Variants in MKI67 observed in about 807,000 individuals in gnomAD.
MKI67 encodes the protein proliferation marker protein Ki-67.
MKI67 carries 152 observed loss-of-function variants against 233.5 expected under a neutral mutation model. That is an observed-to-expected ratio of 0.65 (90% CI 0.57 to 0.74). MKI67 has a LOEUF of 0.74. Among genes scored for constraint, MKI67 ranks in the 30% least tolerant of loss-of-function variants. MKI67 has a pLI of 0.00. For missense variants in MKI67, 3,940 were observed against 3,885.2 expected, an observed-to-expected ratio of 1.01 and a Z score of -0.37; for synonymous variants, 1,465 against 1,418.5, an observed-to-expected ratio of 1.03 and a Z score of -0.74.
chr10:128,119,395 G>C lies in MKI67; in HGVS notation c.288-76C>G, dbSNP rs536133115. On this transcript the variant is annotated intron_variant, in intron 4 of 14. Transcript: ENST00000368654. ...GCGGAAGTCTCCATATCCACTTAAT[G>C]TCCAAGGATCAACGAACAAACTTTG... 112 of 978,546 alleles carry C rather than the reference G, an allele frequency of 1.1e-4. 1 individual carries two copies. Among genetic ancestry groups the C allele is most frequent in the South Asian group, 6.2e-4 (45 of 72,126 alleles). 60.6% of individuals were successfully genotyped at this position (978,546 alleles called of 1,614,324 possible).
At position 128,106,706 on chromosome 10, in the gene MKI67, C is replaced by G. The variant is rs759364357; in HGVS notation, c.5134G>C (p.Gly1712Arg). The G allele has an allele frequency of 8.7e-6, 14 of 1,614,028 alleles. No individual in the cohort carries two copies. Among genetic ancestry groups the G allele is most frequent in the Non-Finnish European group, 1.2e-5 (14 of 1,180,034 alleles). The change falls in exon 13 of 15, where the codon GGC becomes CGC. Residue 1712 changes from glycine (G) to arginine (R), a missense_variant. By Grantham distance (125) the Gly-to-Arg change is moderately radical. Transcript: ENST00000368654. ...GKSEVPEDLA[G>R]FIELFQTPSH... ...GGTGTCTGGAAGAGCTCGATGAAGC[C>G]GGCCAGGTCTTCAGGGACTTCAGAC...
intron 14 of MKI67, 93 bp downstream of exon 14, chr10:128,101,165 G>A: frequency 1.7e-6 from 2 of 1,196,518 alleles, no homozygotes; most frequent in Non-Finnish European, 1.2e-6. Flanking sequence ...TGCTGTTGAA[G>A]ATAATGCTTT....
rs147401496 is a variant in MKI67 at position 128,109,100 on chromosome 10, G to C, written c.2740C>G (p.Leu914Val). 1.2e-6 allele frequency: 2 copies of C among 1,613,912 alleles called. No homozygotes were observed. Among genetic ancestry groups the C allele is most frequent in the South Asian group, 1.1e-5 (1 of 91,078 alleles). Reference sequence around the variant, plus strand: ...ATCTCTCCTTCTCTCCTTTGTTGTAGTAGTGTTGCCTTCTGACCTCTTTTT... The same window carrying C: ...ATCTCTCCTTCTCTCCTTTGTTGTACTAGTGTTGCCTTCTGACCTCTTTTT... ...ILKRGQKATL[L>V]QQRREGEMKE... Residue 914 changes from leucine to valine, a missense_variant, in exon 13 of 15, where the codon CTA becomes GTA. By Grantham distance (32) the Leu-to-Val change is conservative. Coordinates refer to ENST00000368654, the MANE Select transcript of MKI67 (RefSeq NM_002417.5).
intron 7 of MKI67, among the ~76,000 whole-genome samples, chr10:128,114,689 C>A (rs1361639171): frequency 6.6e-6 from 1 of 152,194 alleles, no homozygotes; most frequent in East Asian, 1.9e-4. Flanking sequence ...CCTTCAATAA[C>A]CCCTGCTTCA....
Position 128,113,513 on chromosome 10 carries a change from T to G in MKI67, c.1570A>C (p.Asn524His). 6.2e-7 allele frequency: 1 copy of G among 1,614,150 alleles called. No individual in the cohort carries two copies. Among genetic ancestry groups the G allele is most frequent in the Non-Finnish European group, 8.5e-7 (1 of 1,180,018 alleles). The change falls in exon 8 of 15, where the codon AAT becomes CAT. Residue 524 changes from asparagine (N) to histidine (H), a missense_variant. By Grantham distance (68) the Asn-to-His change is moderately conservative. Coordinates refer to ENST00000368654, the MANE Select transcript of MKI67 (RefSeq NM_002417.5). ...GCTTCTCCCCTTTTGAGAGGCGTATTAGGAGGCAAGTTTTCATCAAATAGT... is the reference window on the plus strand; with the variant it reads ...GCTTCTCCCCTTTTGAGAGGCGTATGAGGAGGCAAGTTTTCATCAAATAGT... ...PELFDENLPP[N>H]TPLKRGEAPT...
In MKI67 at chr10:128,109,372, T is replaced by C. The variant is rs1344631036; in HGVS notation, c.2468A>G (p.Lys823Arg). The C allele has an allele frequency of 1.2e-6, 2 of 1,614,054 alleles. No homozygotes were observed. Among genetic ancestry groups the C allele is most frequent in the Non-Finnish European group, 1.7e-6 (2 of 1,180,022 alleles). The change falls in exon 13 of 15, where the codon AAA (lysine) becomes AGA (arginine). Residue 823 changes from lysine to arginine, a missense_variant. By Grantham distance (26) the Lys-to-Arg change is conservative. Coordinates refer to ENST00000368654, the MANE Select transcript of MKI67 (RefSeq NM_002417.5). Reference protein sequence around the residue: ...AQNAAKQPSDKCSASPPLRRQ... With the variant: ...AQNAAKQPSDRCSASPPLRRQ... ...TCTTAAGGGAGGGCTTGCAGAGCATTTATCAGATGGCTGTTTTGCTGCATT... is the reference window on the plus strand; with the variant it reads ...TCTTAAGGGAGGGCTTGCAGAGCATCTATCAGATGGCTGTTTTGCTGCATT...
In MKI67 at chr10:128,117,304, C is replaced by T. The variant is rs184485262; in HGVS notation, c.355-768G>A. Among the ~76,000 whole-genome samples the T allele has an allele frequency of 3.0e-3, 457 of 152,320 alleles. 1 individual carries two copies. Among genetic ancestry groups the T allele is most frequent in the Non-Finnish European group, 4.7e-3 (318 of 68,020 alleles). On this transcript the variant is annotated intron_variant, in intron 5 of 14. Coordinates refer to ENST00000368654, the MANE Select transcript of MKI67 (RefSeq NM_002417.5). The stretch of plus-strand genomic sequence containing the variant: ...GAACTGAGGCTCCACTTGGCATGTG[C>T]GCCCTCTTGGCTGGTGGATACTTAG...
rs2071498 is a variant in MKI67, at chr10:128,119,296, T to C, written c.311A>G (p.Asn104Ser). The C allele has an allele frequency of 0.64, 1,025,588 of 1,600,926 alleles. 330,072 individuals carry two copies. Among genetic ancestry groups the C allele is most frequent in the Admixed American group, 0.72 (42,923 of 59,740 alleles). ...TGGAAATTCAGTTGACTTCCTTCCA[T>C]TCTGAAGACTTTCATTTTCATACCT... ...SFRYENESLQ[N>S]GRKSTEFPRK... Residue 104 changes from asparagine (N) to serine (S), a missense_variant, in exon 5 of 15, where the codon AAT (asparagine) becomes AGT (serine). By Grantham distance (46) the Asn-to-Ser change is conservative (BLOSUM62 1). Coordinates refer to ENST00000368654, the MANE Select transcript of MKI67 (RefSeq NM_002417.5).
Position 128,108,896 on chromosome 10 carries a change from C to T in MKI67, c.2944G>A (p.Gly982Ser), listed in dbSNP as rs1409817167. 1 of 1,614,192 alleles carries T rather than the reference C, an allele frequency of 6.2e-7. No individual in the cohort carries two copies. The highest frequency in any genetic ancestry group is 2.2e-5 in the East Asian group (1 of 44,870). ...TCTTGGGTTTGGAGGAGATTCTGGC[C>T]ACGTGCCGTGTCTTTCATGAGTTCT... Reference protein sequence around the residue: ...DTELMKDTARGQNLLQTQDHA... With the variant: ...DTELMKDTARSQNLLQTQDHA... The change falls in exon 13 of 15, where the codon GGC becomes AGC. Residue 982 changes from glycine to serine, a missense_variant. Coordinates refer to ENST00000368654, the MANE Select transcript of MKI67 (RefSeq NM_002417.5).
At chr10:128,118,007 G>C (rs1337745674) in intron 5 of MKI67, among the ~76,000 whole-genome samples, 2 of 152,202 alleles carry the variant, frequency 1.3e-5, no homozygotes, top group Non-Finnish European at 2.9e-5. Flanking sequence ...GGTGGCTACA[G>C]TGTGGGATGC....
intron 12 of MKI67, 68 bp from the exon 13 acceptor site, chr10:128,109,491 C>T (rs1852621823): frequency 1.3e-6 from 2 of 1,499,366 alleles, no homozygotes; most frequent in Non-Finnish European, 1.8e-6. Context: ...ATTACAGCCT[C>T]ATAAAATATG....
At position 128,096,733 on chromosome 10, in the gene MKI67, T is replaced by C. The variant is rs1852220167; in HGVS notation, c.*2457A>G. The C allele has an allele frequency of 6.6e-6, 1 of 152,210 alleles. No individual in the cohort carries two copies. Among genetic ancestry groups the C allele is most frequent in the Non-Finnish European group, 1.5e-5 (1 of 68,062 alleles). 9.4% of individuals were successfully genotyped at this position (152,210 alleles called of 1,614,324 possible). On this transcript the variant is annotated 3_prime_UTR_variant, in exon 15 of 15. Coordinates refer to ENST00000368654, the MANE Select transcript of MKI67 (RefSeq NM_002417.5). ...TCACTGGGATAGAGTAACCAGGAAA[T>C]GCAGTCGGCCCTCATGAATGAACAA...
chr10:128,123,211 T>TTA, intron 2 of MKI67, 42 bp from the exon 3 acceptor site: 1 of 1,348,152 alleles, frequency 7.4e-7, no homozygotes, highest in Non-Finnish European at 1.1e-6. Flanking sequence ...GCTGCAACTT[T>TTA]TTAAAAGATT....
chr10:128,105,699 C>T lies in MKI67; in HGVS notation c.6141G>A (p.Lys2047=). The change falls in exon 13 of 15, where the codon AAG becomes AAA. Residue 2047 remains lysine (K), a synonymous_variant. Transcript: ENST00000368654. The part of the protein sequence containing the change: ...KSIKAFKESA[K]QMLDPANYGT... ...CATAGTTTGCTGGGTCCAGCATCTG[C>T]TTTGCAGATTCCTTAAACGCTTTGA... 2 of 1,614,092 alleles carry T rather than the reference C, an allele frequency of 1.2e-6. No individual in the cohort carries two copies. The highest frequency in any genetic ancestry group is 1.7e-6 in the Non-Finnish European group (2 of 1,180,018).
In MKI67 at chr10:128,105,768, C is replaced by A. The variant is rs750960623; in HGVS notation, c.6072G>T (p.Lys2024Asn). The A allele has an allele frequency of 7.4e-6, 12 of 1,613,908 alleles. No individual in the cohort carries two copies. In the African/African-American group the frequency reaches 1.3e-4, roughly 18 times the overall value. ...PVGKLTQTSGKTTQTHRETAG... is the reference protein window; with the variant it reads ...PVGKLTQTSGNTTQTHRETAG... ...CTGTCTCTCTGTGTGTCTGTGTGGTCTTCCCTGACGTCTGTGTGAGCTTGC... is the reference window on the plus strand; with the variant it reads ...CTGTCTCTCTGTGTGTCTGTGTGGTATTCCCTGACGTCTGTGTGAGCTTGC... Residue 2024 changes from lysine (K) to asparagine (N), a missense_variant, in exon 13 of 15, where the codon AAG becomes AAT. By Grantham distance (94) the Lys-to-Asn change is moderately conservative. Transcript: ENST00000368654.
Position 128,125,861 on chromosome 10 carries a change from C to A in MKI67, c.-89-105G>T. 1.6e-6 allele frequency: 1 copy of A among 618,710 alleles called. No homozygotes were observed. 38.3% of individuals were successfully genotyped at this position (618,710 alleles called of 1,614,324 possible). A position where few individuals can be genotyped will look rare whatever the true frequency, so the allele number is the denominator to read the frequency against. On this transcript the variant is annotated intron_variant, in intron 1 of 14. Transcript: ENST00000368654. The surrounding 1 kb of genome is among the most constrained non-coding windows in gnomAD (Gnocchi z 5.3). The stretch of plus-strand genomic sequence containing the variant: ...AGAAGCGCACACCGCAGCTAGCTAG[C>A]GGGGACCCCAGGACGATCCGACCGC...
chr10:128,109,263 T>C lies in MKI67; in HGVS notation c.2577A>G (p.Ser859=), dbSNP rs750995288. Residue 859 remains serine (S), a synonymous_variant, in exon 13 of 15, where the codon TCA becomes TCG. Coordinates refer to ENST00000368654, the MANE Select transcript of MKI67 (RefSeq NM_002417.5). ...TTTTTGAAGGCTCTGTCTCAGTATC[T>C]GAAGTTTTTGTCTCCAGAGAAGTCA... ...YKMTSLETKT[S]DTETEPSKTV... is the part of the protein sequence containing the mutation. The C allele has an allele frequency of 1.2e-6, 2 of 1,614,212 alleles. No individual in the cohort carries two copies. The highest frequency in any genetic ancestry group is 2.2e-5 in the East Asian group (1 of 44,878).
chr10:128,116,127 T>G, intron 6 of MKI67, 120 bp from the exon 7 acceptor site: 1 of 1,159,922 alleles, frequency 8.6e-7, no homozygotes. Context: ...TTACTTGGCC[T>G]ACAAATTATT....
chr10:128,107,857 C>A lies in MKI67; in HGVS notation c.3983G>T (p.Gly1328Val), dbSNP rs866998559. Reference protein sequence around the residue: ...QKLDLTENLTGSKRRPQTPKE... With the variant: ...QKLDLTENLTVSKRRPQTPKE... ...AGGAGTTTGTGGCCGTCTCTTGCTGCCGGTTAAGTTCTCTGTCAGGTCCAG... is the reference window on the plus strand; with the variant it reads ...AGGAGTTTGTGGCCGTCTCTTGCTGACGGTTAAGTTCTCTGTCAGGTCCAG... The change falls in exon 13 of 15, where the codon GGC (glycine) becomes GTC (valine). Residue 1328 changes from glycine (G) to valine (V), a missense_variant. Transcript: ENST00000368654. The A allele has an allele frequency of 6.2e-7, 1 of 1,612,994 alleles. No homozygotes were observed. The highest frequency in any genetic ancestry group is 8.5e-7 in the Non-Finnish European group (1 of 1,179,852).
Sources: allele counts gnomAD v4.1 joint callset (sites outside exome capture counted in the v4.1 genomes callset), GRCh38; gene constraint gnomAD v4.1.1; non-coding constraint Gnocchi (gnomAD v3.1); transcripts MANE v1.5; gene names NCBI Gene and HGNC (gene_info 2026-07-23, HGNC 2026-07-21).